SYCP2L: variants seen among roughly 807,000 people sequenced by gnomAD.
SYCP2L encodes the protein synaptonemal complex protein 2 like.
Under a neutral mutation model 125.8 loss-of-function variants are expected in SYCP2L, and 98 were observed. The ratio of observed to expected loss-of-function variants is 0.78; its 90% CI spans 0.66 to 0.92. The LOEUF (loss-of-function observed/expected upper bound fraction) is 0.92, where lower values mean the gene tolerates loss of function less well. Among genes scored for constraint, SYCP2L ranks in the 40% least tolerant of loss-of-function variants. The pLI is 0.00. For missense variants in SYCP2L, 842 were observed against 936.4 expected, an observed-to-expected ratio of 0.90 and a Z score of 1.32; for synonymous variants, 317 against 325.4, an observed-to-expected ratio of 0.97 and a Z score of 0.28.
intron 10 of SYCP2L, among the ~76,000 whole-genome samples, chr6:10,909,026 T>C (rs897444511): frequency 3.3e-5 from 5 of 152,188 alleles, no homozygotes; most frequent in Non-Finnish European, 7.3e-5. Flanking sequence ...TCATTTCTCA[T>C]TTGCAGGAAA....
At chr6:10,916,903 A>G (rs967843578) in intron 14 of SYCP2L, among the ~76,000 whole-genome samples, 3 of 152,206 alleles carry the variant, frequency 2.0e-5, no homozygotes, top group Non-Finnish European at 2.9e-5. Context: ...GAGGCAGGAA[A>G]ATCGCTTGAA....
chr6:10,945,403 A>G (rs935310011), intron 23 of SYCP2L, among the ~76,000 whole-genome samples: 5 of 152,050 alleles, frequency 3.3e-5, no homozygotes, highest in African/African-American at 7.2e-5. Context: ...AACTTTCGCT[A>G]TGATTGTGGA....
chr6:10,907,021 A>C (rs1203087919), intron 9 of SYCP2L, among the ~76,000 whole-genome samples: 1 of 151,790 alleles, frequency 6.6e-6, no homozygotes, highest in Non-Finnish European at 1.5e-5. Context: ...TCTTGTTTAG[A>C]TTTTTATTGT....
chr6:10,922,882 G>T (rs1780824192), intron 14 of SYCP2L: 1 of 151,976 alleles, frequency 6.6e-6, no homozygotes, highest in Non-Finnish European at 1.5e-5. Context: ...AGATTAAGTA[G>T]ATTAATTTTA....
chr6:10,926,376 T>TTAG lies in SYCP2L; in HGVS notation c.1259_1261dup (p.Ser420dup). On this transcript the variant is annotated inframe_insertion, in exon 16 of 30. Transcript: ENST00000283141. ...CAGACGAAAATCTCCTCAGAACTTT[T>TTAG]TAGTAAGTCTGATAAAGAAGACAGG... The TTAG allele has an allele frequency of 1.2e-6, 2 of 1,614,026 alleles. No homozygotes were observed. Among genetic ancestry groups the TTAG allele is most frequent in the Non-Finnish European group, 1.7e-6 (2 of 1,179,938 alleles).
chr6:10,889,882 A>G (rs745387459), intron 1 of SYCP2L, among the ~76,000 whole-genome samples: 19 of 152,030 alleles, frequency 1.2e-4, no homozygotes, highest in Admixed American at 2.0e-4. Flanking sequence ...GGCCACCCAA[A>G]GTGCTGGGAT....
At chr6:10,902,476 C>G (rs1396150980) in intron 6 of SYCP2L, among the ~76,000 whole-genome samples, 1 of 152,108 alleles carries the variant, frequency 6.6e-6, no homozygotes, top group African/African-American at 2.4e-5. Flanking sequence ...AAAATAAACG[C>G]GTGTATGCGT....
chr6:10,941,626 G>A (rs535930413), intron 21 of SYCP2L, among the ~76,000 whole-genome samples: 28 of 152,290 alleles, frequency 1.8e-4, no homozygotes, highest in South Asian at 1.0e-3. Flanking sequence ...TTAGAATGGC[G>A]ATCATTAAAA....
At chr6:10,914,659 C>T (rs539905691) in intron 14 of SYCP2L, among the ~76,000 whole-genome samples, 22 of 151,150 alleles carry the variant, frequency 1.5e-4, no homozygotes, top group East Asian at 3.9e-4. Context: ...TTGTTTGTGT[C>T]GTCTATGATT....
In SYCP2L at chr6:10,907,854, A is replaced by G. The variant is rs151003784; in HGVS notation, c.819+170A>G. ...GAGAAACAATTTGAGGGTAATATGA[A>G]CAGAATATTTGTGAGCTAGATATAG... On this transcript the variant is annotated intron_variant, in intron 10 of 29. Transcript: ENST00000283141. 1.7e-4 allele frequency among the ~76,000 whole-genome samples: 25 copies of G among 147,464 alleles called. No homozygotes were observed. The East Asian group carries it at 5.1e-3, about 30-fold the overall frequency.
rs754027623 is a variant in SYCP2L at position 10,893,933 on chromosome 6, CAGAA to C, written c.149_152del (p.Lys50ArgfsTer20). On this transcript the variant is annotated frameshift_variant, in exon 3 of 30. Transcript: ENST00000283141. LOFTEE classifies it high-confidence loss of function. ...TCAGAAAATAAAAGAATACTTTCAA[CAGAA>C]AGAGAGCCACTTTCCTCAAAAATAT... 1.9e-6 allele frequency: 3 copies of C among 1,612,642 alleles called. No individual in the cohort carries two copies. Among genetic ancestry groups the C allele is most frequent in the Non-Finnish European group, 1.7e-6 (2 of 1,179,528 alleles).
Position 10,924,619 on chromosome 6 carries a change from A to C in SYCP2L, c.1196A>C (p.Gln399Pro), listed in dbSNP as rs1780866509. 6.3e-7 allele frequency: 1 copy of C among 1,579,098 alleles called. No individual in the cohort carries two copies. Among genetic ancestry groups the C allele is most frequent in the South Asian group, 1.2e-5 (1 of 83,498 alleles). ...LQFNISQVSI[Q>P]ALGEDKQMLP... ...TTCAACATATCACAAGTTTCCATTC[A>C]AGCTTTAGGAGAAGACAAACAGGTG... The change falls in exon 15 of 30, where the codon CAA becomes CCA. Residue 399 changes from glutamine (Q) to proline (P), a missense_variant. By Grantham distance (76) the Gln-to-Pro change is moderately conservative (BLOSUM62 -1). Coordinates refer to ENST00000283141, the MANE Select transcript of SYCP2L (RefSeq NM_001040274.3).
intron 20 of SYCP2L, among the ~76,000 whole-genome samples, chr6:10,933,841 A>C (rs1294178589): frequency 6.6e-6 from 1 of 152,248 alleles, no homozygotes; most frequent in African/African-American, 2.4e-5. Context: ...GGAAGGATTT[A>C]GTTAATGTAA....
At chr6:10,967,454 G>GGGGGGTGTGTGT (rs56098075) in intron 29 of SYCP2L, among the ~76,000 whole-genome samples, 3 of 138,916 alleles carry the variant, frequency 2.2e-5, no homozygotes, top group East Asian at 4.2e-4. Flanking sequence ...TGGGGTAGAG[G>GGGGGGTGTGTGT]GTGTGTGTGT....
intron 29 of SYCP2L, among the ~76,000 whole-genome samples, chr6:10,969,244 GTTTAAT>G (rs1781728499): frequency 2.0e-5 from 3 of 151,544 alleles, no homozygotes; most frequent in Admixed American, 1.3e-4. Context: ...CATGTATTTA[GTTTAAT>G]TTTAACTTGA....
At chr6:10,896,501 G>T (rs1183965300) in intron 4 of SYCP2L, among the ~76,000 whole-genome samples, 1 of 152,176 alleles carries the variant, frequency 6.6e-6, no homozygotes, top group African/African-American at 2.4e-5. Context: ...TATTTAAAAA[G>T]CATAGAATTT....
intron 15 of SYCP2L, among the ~76,000 whole-genome samples, chr6:10,925,080 C>T (rs1780873810): frequency 6.6e-6 from 1 of 152,146 alleles, no homozygotes; most frequent in South Asian, 2.1e-4. Flanking sequence ...AATGGACTCA[C>T]AGTTCAACAT....
At chr6:10,971,752 T>C (rs903474414) in intron 29 of SYCP2L, among the ~76,000 whole-genome samples, 11 of 152,048 alleles carry the variant, frequency 7.2e-5, no homozygotes, top group African/African-American at 2.7e-4. Context: ...TGGCACGATC[T>C]TAGCTCATTG....
At chr6:10,908,162 A>G (rs1780539943) in intron 10 of SYCP2L, among the ~76,000 whole-genome samples, 1 of 152,120 alleles carries the variant, frequency 6.6e-6, no homozygotes, top group Non-Finnish European at 1.5e-5. Flanking sequence ...TGCTGGAATT[A>G]TAGGCATGAG....
Sources: allele counts gnomAD v4.1 joint callset (sites outside exome capture counted in the v4.1 genomes callset), GRCh38; gene constraint gnomAD v4.1.1; transcripts MANE v1.5; gene names NCBI Gene and HGNC (gene_info 2026-07-23, HGNC 2026-07-21).